Variants in USP30 observed in about 807,000 individuals in gnomAD.
USP30 encodes ubiquitin carboxyl-terminal hydrolase 30.
Under a neutral mutation model 68.2 loss-of-function variants are expected in USP30, and 41 were observed. The ratio of observed to expected loss-of-function variants is 0.60; its 90% CI spans 0.47 to 0.78. The LOEUF (loss-of-function observed/expected upper bound fraction) is 0.78, where lower values mean the gene tolerates loss of function less well. Among genes scored for constraint, USP30 ranks in the 30% least tolerant of loss-of-function variants. The pLI is 0.00. For missense variants in USP30, 522 were observed against 649.4 expected (o/e 0.80, Z 2.13); for synonymous variants, 229 against 253.7 (o/e 0.90, Z 0.93).
intron 3 of USP30, 130 bp downstream of exon 3, chr12:109,058,238 A>T (rs1188698996): frequency 1.9e-6 from 2 of 1,030,522 alleles, no homozygotes; most frequent in Non-Finnish European, 2.8e-6. Flanking sequence ...AATAAACAAC[A>T]CCAAGAGCCC....
intron 3 of USP30, among the ~76,000 whole-genome samples, chr12:109,066,325 A>G (rs2041249114): frequency 6.6e-6 from 1 of 151,446 alleles, no homozygotes. Flanking sequence ...TCCTTGGTCT[A>G]GAAGTAATTA....
intron 3 of USP30, among the ~76,000 whole-genome samples, chr12:109,032,287 G>A (rs1272932297): frequency 6.6e-6 from 1 of 152,100 alleles, no homozygotes; most frequent in East Asian, 1.9e-4. Context: ...CTGGGAGATA[G>A]AATGATACTG....
intron 3 of USP30, among the ~76,000 whole-genome samples, chr12:109,030,930 C>A (rs184633013): frequency 1.3e-5 from 2 of 152,188 alleles, no homozygotes; most frequent in East Asian, 3.9e-4. Flanking sequence ...GATTCTTTTA[C>A]AATGTACACA....
intron 3 of USP30, among the ~76,000 whole-genome samples, chr12:109,062,735 A>C (rs1303095307): frequency 6.6e-6 from 1 of 152,078 alleles, no homozygotes; most frequent in African/African-American, 2.4e-5. Flanking sequence ...CATAACATAA[A>C]ATTTACCATT....
chr12:109,081,151 C>T (rs2041783699), intron 7 of USP30, among the ~76,000 whole-genome samples, 183 bp from the exon 8 acceptor site: 1 of 152,070 alleles, frequency 6.6e-6, no homozygotes, highest in Non-Finnish European at 1.5e-5. Flanking sequence ...ATTATTGTAC[C>T]TCTTATGTGT....
In USP30 at chr12:109,081,990, C is replaced by A; in HGVS notation, c.838C>A (p.Arg280=). The A allele has an allele frequency of 2.5e-6, 4 of 1,614,180 alleles. No individual in the cohort carries two copies. The highest frequency in any genetic ancestry group is 3.4e-6 in the Non-Finnish European group (4 of 1,180,016). ...LHHFISSESV[R]DVVCDNCTKI... Reference sequence around the variant, plus strand: ...CCACTTCATCTCATCAGAATCAGTGCGGGATGTTGTGTGTGACAACTGTAC... The same window carrying A: ...CCACTTCATCTCATCAGAATCAGTGAGGGATGTTGTGTGTGACAACTGTAC... The change falls in exon 9 of 13, where the codon CGG becomes AGG. Residue 280 remains arginine, a synonymous_variant. Coordinates refer to ENST00000257548, the MANE Select transcript of USP30 (RefSeq NM_032663.5).
At chr12:109,063,775 ATAAGT>A (rs1465926397) in intron 3 of USP30, among the ~76,000 whole-genome samples, 2 of 151,916 alleles carry the variant, frequency 1.3e-5, no homozygotes, top group Non-Finnish European at 2.9e-5. Context: ...TTCCCTAATG[ATAAGT>A]TATATTGAGC....
chr12:109,025,338 AAT>A (rs2040437325), intron 2 of USP30, among the ~76,000 whole-genome samples: 1 of 151,926 alleles, frequency 6.6e-6, no homozygotes, highest in African/African-American at 2.4e-5. Context: ...ATATCTATGT[AAT>A]ATATTATATT....
At chr12:109,079,387 G>A (rs1402944048) in intron 7 of USP30, among the ~76,000 whole-genome samples, 2 of 89,662 alleles carry the variant, frequency 2.2e-5, no homozygotes, top group Non-Finnish European at 4.3e-5. Flanking sequence ...TTTGTGACAG[G>A]GGTCTTAGCT....
chr12:109,072,942 G>A (rs1471824236), intron 6 of USP30, among the ~76,000 whole-genome samples: 1 of 152,174 alleles, frequency 6.6e-6, no homozygotes, highest in Middle Eastern at 3.2e-3. Flanking sequence ...AGGTCAGGTA[G>A]TGAATAAGAA....
At chr12:109,050,772 C>T (rs990369884), upstream of USP30, among the ~76,000 whole-genome samples, 3 of 151,788 alleles carry the variant, frequency 2.0e-5, no homozygotes, top group Admixed American at 2.0e-4. Context: ...ACTTTGGGAG[C>T]CCGAGGCGGA....
intron 3 of USP30, among the ~76,000 whole-genome samples, chr12:109,031,076 A>T (rs943752808): frequency 6.6e-6 from 1 of 152,210 alleles, no homozygotes; most frequent in African/African-American, 2.4e-5. Flanking sequence ...ATTCCAAAAT[A>T]AAAAGTTTAA....
chr12:109,034,480 G>A (rs528444421), intron 3 of USP30, among the ~76,000 whole-genome samples: 14 of 152,162 alleles, frequency 9.2e-5, no homozygotes, highest in East Asian at 1.9e-4. Context: ...TAATCCCAAC[G>A]CTTTGGGAGA....
chr12:109,062,654 T>C (rs1300854018), intron 3 of USP30, among the ~76,000 whole-genome samples: 2 of 152,084 alleles, frequency 1.3e-5, no homozygotes, highest in African/African-American at 4.8e-5. Context: ...AGTGTATTGG[T>C]CTTATAGTTT....
chr12:109,054,184 C>G (rs546702752), intron 1 of USP30: 1 of 399,622 alleles, frequency 2.5e-6, no homozygotes, highest in Non-Finnish European at 5.0e-6. Context: ...TGTGAACTCA[C>G]GTATCGTGTA....
rs560320240 is a variant in USP30, at chr12:109,058,212, C to T, written c.376+104C>T. The T allele has an allele frequency of 2.0e-3, 2,404 of 1,220,708 alleles. 35 individuals carry two copies. The South Asian group carries it at 0.025, about 13-fold the overall frequency. 75.6% of individuals were successfully genotyped at this position (1,220,708 alleles called of 1,614,324 possible). A position where few individuals can be genotyped will look rare whatever the true frequency, so the allele number is the denominator to read the frequency against. On this transcript the variant is annotated intron_variant, in intron 3 of 12. Coordinates refer to ENST00000257548, the MANE Select transcript of USP30 (RefSeq NM_032663.5). ...TTAATACCTTATTGTAGGAAAAGAT[C>T]ATACAGATCATTATGAATAAACAAC... is the stretch of plus-strand genomic sequence containing the variant.
chr12:109,069,584 C>T (rs969792729), intron 4 of USP30, among the ~76,000 whole-genome samples: 5 of 152,278 alleles, frequency 3.3e-5, no homozygotes, highest in East Asian at 1.9e-4. Flanking sequence ...TGGGGACTGT[C>T]GAGGGCAATG....
At chr12:109,080,962 G>A (rs1384672599) in intron 7 of USP30, among the ~76,000 whole-genome samples, 1 of 152,220 alleles carries the variant, frequency 6.6e-6, no homozygotes, top group Non-Finnish European at 1.5e-5. Flanking sequence ...ACCTAAGGAT[G>A]CATTTCTCAG....
intron 1 of USP30, among the ~76,000 whole-genome samples, chr12:109,056,383 G>A (rs966050083): frequency 2.0e-5 from 3 of 152,072 alleles, no homozygotes; most frequent in Non-Finnish European, 4.4e-5. Flanking sequence ...AGTAGAGACA[G>A]GGTTTCCACA....
Sources: gnomAD v4.1 joint callset for allele counts (sites outside exome capture counted in the v4.1 genomes callset) on GRCh38, gnomAD v4.1.1 for gene constraint, MANE v1.5 for transcripts, NCBI Gene and HGNC (gene_info 2026-07-23, HGNC 2026-07-21) for gene names.